The following DLGAP1 variants were observed in gnomAD, a reference collection of about 807,000 sequenced individuals.
DLGAP1 encodes the protein DLG associated protein 1.
DLGAP1 carries 11 observed loss-of-function variants against 90.8 expected under a neutral mutation model. The observed-to-expected ratio is 0.12, with a 90% CI of 0.08 to 0.20. The LOEUF (loss-of-function observed/expected upper bound fraction) is 0.20, where lower values mean the gene tolerates loss of function less well. Among genes scored for constraint, DLGAP1 ranks in the 10% least tolerant of loss-of-function variants. The pLI, the probability that DLGAP1 is intolerant of heterozygous loss-of-function variation, is 1.00. For missense variants in DLGAP1, 1,050 were observed against 1,333.8 expected, an observed-to-expected ratio of 0.79 and a Z score of 3.31; for synonymous variants, 558 against 540.7, an observed-to-expected ratio of 1.03 and a Z score of -0.44.
intron 1 of DLGAP1, among the ~76,000 whole-genome samples, chr18:4,167,876 C>T: frequency 6.6e-6 from 1 of 151,772 alleles, no homozygotes; most frequent in East Asian, 1.9e-4. Flanking sequence ...CCTAGGTACA[C>T]AAAAATATAT....
chr18:3,807,439 A>C (rs915053477), intron 5 of DLGAP1, among the ~76,000 whole-genome samples: 4 of 152,200 alleles, frequency 2.6e-5, no homozygotes, highest in African/African-American at 9.7e-5. Context: ...AAAGTTATTT[A>C]ATCTCTCTGA....
intron 6 of DLGAP1, among the ~76,000 whole-genome samples, chr18:3,733,808 C>T (rs543923501): frequency 6.6e-6 from 1 of 152,258 alleles, no homozygotes; most frequent in Admixed American, 6.5e-5. Context: ...AAAAATCTGA[C>T]TCACATGTTT....
At chr18:3,885,620 T>C (rs1008758153) in intron 3 of DLGAP1, among the ~76,000 whole-genome samples, 1 of 152,246 alleles carries the variant, frequency 6.6e-6, no homozygotes, top group Non-Finnish European at 1.5e-5. Flanking sequence ...GGATGGGGAC[T>C]GTGGTCAGCA....
intron 7 of DLGAP1, among the ~76,000 whole-genome samples, chr18:3,623,163 T>C (rs2058161034): frequency 6.6e-6 from 1 of 152,114 alleles, no homozygotes; most frequent in South Asian, 2.1e-4. Flanking sequence ...TGCCTCTCTG[T>C]GTCCCCATGT....
chr18:4,034,668 A>T (rs2074859054), intron 2 of DLGAP1, among the ~76,000 whole-genome samples: 1 of 152,172 alleles, frequency 6.6e-6, no homozygotes, highest in African/African-American at 2.4e-5. Flanking sequence ...TCACTTCAAG[A>T]GAACGTCACT....
chr18:3,700,191 G>T (rs1255781678), intron 7 of DLGAP1, among the ~76,000 whole-genome samples: 2 of 152,188 alleles, frequency 1.3e-5, no homozygotes, highest in Non-Finnish European at 2.9e-5. Context: ...CCCGCAGCTA[G>T]CTAGGTGTCT....
chr18:3,702,516 G>C (rs374272260), intron 7 of DLGAP1, among the ~76,000 whole-genome samples: 4 of 152,312 alleles, frequency 2.6e-5, no homozygotes, highest in South Asian at 2.1e-4. Flanking sequence ...TGGCAGGGTT[G>C]TGGACTTCCT....
intron 2 of DLGAP1, among the ~76,000 whole-genome samples, chr18:4,036,669 G>C (rs2074893911): frequency 6.6e-6 from 1 of 152,078 alleles, no homozygotes; most frequent in Admixed American, 6.6e-5. Flanking sequence ...TAGCTTGTTT[G>C]CTCTTTTAAC....
chr18:4,253,742 C>A (rs1331323709), intron 1 of DLGAP1, among the ~76,000 whole-genome samples: 2 of 152,108 alleles, frequency 1.3e-5, no homozygotes, highest in Non-Finnish European at 2.9e-5. Context: ...ACCCTTTTAT[C>A]CATGGCGATC....
At chr18:4,431,519 C>T (rs994922269) in intron 1 of DLGAP1, among the ~76,000 whole-genome samples, 11 of 152,122 alleles carry the variant, frequency 7.2e-5, no homozygotes, top group Non-Finnish European at 1.5e-4. Context: ...TGGTTTAAAA[C>T]GGGATCCTCT....
chr18:3,633,137 C>T (rs2058583300), intron 7 of DLGAP1, among the ~76,000 whole-genome samples: 1 of 152,178 alleles, frequency 6.6e-6, no homozygotes, highest in Non-Finnish European at 1.5e-5. Flanking sequence ...GTGGCTCATG[C>T]CTGTAATCCC....
At chr18:3,509,992 T>A (rs2050451374) in intron 10 of DLGAP1, among the ~76,000 whole-genome samples, 2 of 151,868 alleles carry the variant, frequency 1.3e-5, no homozygotes, top group Admixed American at 1.3e-4. Flanking sequence ...CTCGAGGGGG[T>A]CTCCCTTGAC....
intron 1 of DLGAP1, among the ~76,000 whole-genome samples, chr18:4,348,055 A>G (rs2081332369): frequency 6.6e-6 from 1 of 152,180 alleles, no homozygotes; most frequent in African/African-American, 2.4e-5. Context: ...GGGATGGGAA[A>G]GAATAGAACT....
At chr18:3,893,996 T>C (rs1340411083) in intron 3 of DLGAP1, among the ~76,000 whole-genome samples, 1 of 152,216 alleles carries the variant, frequency 6.6e-6, no homozygotes, top group Non-Finnish European at 1.5e-5. Context: ...TTTCATATGT[T>C]TATTGGCTAC....
At chr18:3,712,120 C>T (rs930776277) in intron 7 of DLGAP1, among the ~76,000 whole-genome samples, 1 of 152,150 alleles carries the variant, frequency 6.6e-6, no homozygotes, top group African/African-American at 2.4e-5. Flanking sequence ...AGGCTGCAAA[C>T]CCAGAACACA....
chr18:4,455,115 G>C lies in DLGAP1; in HGVS notation c.-376C>G, dbSNP rs1345423153. On this transcript the variant is annotated 5_prime_UTR_variant, in exon 1 of 13. Coordinates refer to ENST00000315677, the MANE Select transcript of DLGAP1 (RefSeq NM_004746.4). ...CGCGACCAGGACCGGCTCTCAGCGA[G>C]GTGACGGGAAGGACTCGAGAGAGGA... 2.0e-5 allele frequency: 3 copies of C among 151,936 alleles called. No individual in the cohort carries two copies. Among genetic ancestry groups the C allele is most frequent in the Non-Finnish European group, 2.9e-5 (2 of 67,996 alleles). The allele number at this position is 151,936 out of a possible 1,614,324, so 9.4% of individuals were successfully genotyped here.
At chr18:4,314,660 G>A (rs1393288771) in intron 1 of DLGAP1, among the ~76,000 whole-genome samples, 4 of 152,136 alleles carry the variant, frequency 2.6e-5, no homozygotes, top group Admixed American at 6.5e-5. Flanking sequence ...CAACACCTAG[G>A]CCAGTGCCTA....
chr18:3,514,939 C>T (rs537784110), intron 10 of DLGAP1, among the ~76,000 whole-genome samples: 4 of 152,116 alleles, frequency 2.6e-5, no homozygotes, highest in South Asian at 4.2e-4. Flanking sequence ...GACAGGATCT[C>T]GCTATGTTGC....
rs187686187 is a variant in DLGAP1, at chr18:3,565,606, C to T, written c.2057+1884G>A. On this transcript the variant is annotated intron_variant, in intron 9 of 12. Transcript: ENST00000315677. This position sits in a 1 kb window ranked among gnomAD's most constrained non-coding sequence, Gnocchi z 4.0. ...ATCCCAGCACTTTGGGAAGCCAAGGCGGGTGGATCACAAGGTCAAGATGAT... is the reference window on the plus strand; with the variant it reads ...ATCCCAGCACTTTGGGAAGCCAAGGTGGGTGGATCACAAGGTCAAGATGAT... Among the ~76,000 whole-genome samples, 167 of 151,304 alleles carry T rather than the reference C, an allele frequency of 1.1e-3. 1 individual carries two copies. Among genetic ancestry groups the T allele is most frequent in the African/African-American group, 3.9e-3 (163 of 41,342 alleles).
Sources: allele counts gnomAD v4.1 joint callset (sites outside exome capture counted in the v4.1 genomes callset), GRCh38; gene constraint gnomAD v4.1.1; non-coding constraint Gnocchi (gnomAD v3.1); transcripts MANE v1.5; gene names NCBI Gene and HGNC (gene_info 2026-07-23, HGNC 2026-07-21).